Variants in MCFD2 observed in about 807,000 individuals in gnomAD.
MCFD2 encodes the protein multiple coagulation factor deficiency protein 2.
MCFD2 carries 11 observed loss-of-function variants against 12.8 expected under a neutral mutation model. That is an observed-to-expected ratio of 0.86 (90% CI 0.54 to 1.42). The LOEUF is 1.42. MCFD2 is among the 40% of genes most tolerant of loss of function. The pLI, the probability that MCFD2 is intolerant of heterozygous loss-of-function variation, is 0.00. For missense variants in MCFD2, 191 were observed against 178.6 expected (o/e 1.07, Z -0.40); for synonymous variants, 70 against 68.1 (o/e 1.03, Z -0.14).
At chr2:46,925,143 G>A (rs746205157) in intron 1 of MCFD2, among the ~76,000 whole-genome samples, 22 of 152,066 alleles carry the variant, frequency 1.4e-4, no homozygotes, top group Admixed American at 9.8e-4. Context: ...TCAGTGATGG[G>A]GGTTGTCTGG....
rs6544937 is a variant in MCFD2, at chr2:46,912,207, C to T, written c.-6-3030G>A. Among the ~76,000 whole-genome samples, 1,481 of 152,262 alleles carry T rather than the reference C, an allele frequency of 9.7e-3. 30 individuals are homozygous for T. Among genetic ancestry groups the T allele is most frequent in the African/African-American group, 0.033 (1,386 of 41,546 alleles). On this transcript the variant is annotated intron_variant, in intron 1 of 3. Coordinates refer to ENST00000319466, the MANE Select transcript of MCFD2 (RefSeq NM_139279.6). ...AAAAAAAATTTGCTGGGCATGGTGG[C>T]GTGCACCTGTAATCCCAGCTATTTG...
At chr2:46,934,004 C>A (rs1193264986) in intron 1 of MCFD2, among the ~76,000 whole-genome samples, 2 of 152,128 alleles carry the variant, frequency 1.3e-5, no homozygotes, top group African/African-American at 4.8e-5. Context: ...TGGTGACCTC[C>A]AGCCCAACTA....
chr2:46,928,139 A>G (rs929012178), intron 1 of MCFD2, among the ~76,000 whole-genome samples: 9 of 151,218 alleles, frequency 6.0e-5, no homozygotes, highest in Non-Finnish European at 1.0e-4. Flanking sequence ...TGATCTGCCC[A>G]CCTTAACCTC....
At chr2:46,919,396 G>A (rs1288109476), upstream of MCFD2, among the ~76,000 whole-genome samples, 1 of 152,142 alleles carries the variant, frequency 6.6e-6, no homozygotes, top group Non-Finnish European at 1.5e-5. Flanking sequence ...AGCTGGGTGT[G>A]GTGACGCATG....
chr2:46,936,859 A>ATTTT (rs67502094), intron 1 of MCFD2, among the ~76,000 whole-genome samples: 1 of 142,858 alleles, frequency 7.0e-6, no homozygotes, highest in Non-Finnish European at 1.5e-5. Context: ...AGGATTCCAA[A>ATTTT]TTTTTTTTTT....
chr2:46,920,282 G>A (rs2103799350), upstream of MCFD2, among the ~76,000 whole-genome samples: 1 of 152,084 alleles, frequency 6.6e-6, no homozygotes, highest in East Asian at 1.9e-4. Context: ...TGTTGTTGTT[G>A]TTTGGAGTTT....
intron 1 of MCFD2, among the ~76,000 whole-genome samples, chr2:46,931,448 G>A (rs963836642): frequency 1.3e-5 from 2 of 152,192 alleles, no homozygotes; most frequent in Non-Finnish European, 2.9e-5. Flanking sequence ...ACCTTGAGAT[G>A]GGGAGATTAT....
chr2:46,921,959 T>C (rs940325654), intron 1 of MCFD2, among the ~76,000 whole-genome samples: 4 of 152,200 alleles, frequency 2.6e-5, no homozygotes, highest in Non-Finnish European at 5.9e-5. Context: ...CCCACACTAG[T>C]TGGGGGGTGA....
At position 46,905,372 on chromosome 2, in the gene MCFD2, G is replaced by T; in HGVS notation, c.*91C>A. 7.0e-7 allele frequency: 1 copy of T among 1,433,006 alleles called. No individual in the cohort carries two copies. The allele number at this position is 1,433,006 out of a possible 1,614,324, so 88.8% of individuals were successfully genotyped here. ...TTTTTACCAAAATGCTGCAGCAGTA[G>T]TTGGAAATGAGTTATTTTGCATTAC... On this transcript the variant is annotated 3_prime_UTR_variant, in exon 4 of 4. Transcript: ENST00000319466.
intron 1 of MCFD2, among the ~76,000 whole-genome samples, chr2:46,930,892 T>C (rs1669666494): frequency 6.6e-6 from 1 of 152,184 alleles, no homozygotes; most frequent in African/African-American, 2.4e-5. Flanking sequence ...ATATGAACTC[T>C]TTGGAGAAAA....
At position 46,904,109 on chromosome 2, in the gene MCFD2, C is replaced by A. The variant is rs886056112; in HGVS notation, c.*1354G>T. The A allele has an allele frequency of 2.0e-5, 3 of 152,246 alleles. No homozygotes were observed. Among genetic ancestry groups the A allele is most frequent in the Admixed American group, 6.5e-5 (1 of 15,286 alleles). The allele number at this position is 152,246 out of a possible 1,614,324, so 9.4% of individuals were successfully genotyped here. ...CAGCTTCTATGTGCTGTTAAGCCTG[C>A]AGGTGCACAGAAGTCAAGAATTGAG... On this transcript the variant is annotated 3_prime_UTR_variant, in exon 4 of 4. Transcript: ENST00000319466.
At chr2:46,928,080 C>T (rs2117168) in intron 1 of MCFD2, among the ~76,000 whole-genome samples, 119,612 of 151,168 alleles carry the variant, frequency 0.79, 47,972 homozygotes, top group African/African-American at 0.91. Flanking sequence ...TTTGTAGAGA[C>T]GGGTTTTTGC....
At chr2:46,924,033 G>C (rs1278281542) in intron 1 of MCFD2, among the ~76,000 whole-genome samples, 1 of 151,824 alleles carries the variant, frequency 6.6e-6, no homozygotes, top group Non-Finnish European at 1.5e-5. Context: ...ACTGTGCCCG[G>C]CCTATAGAAA....
Position 46,935,863 on chromosome 2 carries a change from G to C in MCFD2, c.-8+5709C>G, listed in dbSNP as rs781024842. Among the ~76,000 whole-genome samples, 31 of 152,170 alleles carry C rather than the reference G, an allele frequency of 2.0e-4. 1 individual carries two copies. Among genetic ancestry groups the C allele is most frequent in the Non-Finnish European group, 4.6e-4 (31 of 68,052 alleles). On this transcript the variant is annotated intron_variant, in intron 1 of 2. Coordinates refer to the MCFD2 transcript ENST00000409147. ...CTAGAGACTAGGGAGGCTGAGGTGG[G>C]AGGATTGCTAGTGGCCAGGAGTTTT...
At chr2:46,922,871 A>G (rs898330154) in intron 1 of MCFD2, among the ~76,000 whole-genome samples, 1 of 152,222 alleles carries the variant, frequency 6.6e-6, no homozygotes, top group Non-Finnish European at 1.5e-5. Flanking sequence ...TTGAGGGTTC[A>G]GTTTTACAAA....
chr2:46,932,074 C>T (rs1669734314), intron 1 of MCFD2, among the ~76,000 whole-genome samples: 1 of 151,904 alleles, frequency 6.6e-6, no homozygotes, highest in Admixed American at 6.6e-5. Flanking sequence ...TTTTAAAAAA[C>T]CTTTAACAAA....
At chr2:46,915,848 G>T (rs1302518493), upstream of MCFD2, 1 of 777,134 alleles carries the variant, frequency 1.3e-6, no homozygotes, top group Non-Finnish European at 1.5e-6. Context: ...GCGCACGCGC[G>T]CTCCCTGCCG....
At chr2:46,915,387 G>A (rs1017443089) in intron 1 of MCFD2, among the ~76,000 whole-genome samples, 1 of 152,172 alleles carries the variant, frequency 6.6e-6, no homozygotes, top group Non-Finnish European at 1.5e-5. Context: ...CAGAGGGAGA[G>A]TAAGGCTTCC....
upstream of MCFD2, among the ~76,000 whole-genome samples, chr2:46,918,038 T>C (rs2103790856): frequency 6.6e-6 from 1 of 152,340 alleles, no homozygotes. Context: ...AATAGATGAC[T>C]CCAAAATATG....
Sources: allele counts gnomAD v4.1 joint callset (sites outside exome capture counted in the v4.1 genomes callset), GRCh38; gene constraint gnomAD v4.1.1; transcripts MANE v1.5; gene names NCBI Gene and HGNC (gene_info 2026-07-23, HGNC 2026-07-21).